PRRX1: variants seen among roughly 807,000 people sequenced by gnomAD.
PRRX1 encodes the protein paired related homeobox 1.
A neutral mutation model predicts 24.0 loss-of-function variants in PRRX1; 8 were observed. That is an observed-to-expected ratio of 0.33 (90% CI 0.20 to 0.60). The LOEUF is 0.60. Ranked by LOEUF, PRRX1 falls within the 20% of genes least tolerant of loss-of-function variation. The pLI is 0.82. For synonymous variants in PRRX1, 160 were observed against 131.7 expected, an observed-to-expected ratio of 1.22 and a Z score of -1.47; for missense variants, 281 against 322.4, an observed-to-expected ratio of 0.87 and a Z score of 0.98.
chr1:170,674,411 T>A (rs1653241119), intron 1 of PRRX1, among the ~76,000 whole-genome samples: 8 of 152,214 alleles, frequency 5.3e-5, no homozygotes, highest in Admixed American at 5.2e-4. Context: ...TTTTTGCAAA[T>A]CTTCCCATGC....
At chr1:170,667,298 G>A (rs867459885) in intron 1 of PRRX1, 12 of 117,180 alleles carry the variant, frequency 1.0e-4, no homozygotes, top group Admixed American at 5.5e-4. Flanking sequence ...AAACACACAC[G>A]CGCGCGCGCG....
rs373448980 is a variant in PRRX1 at position 170,664,322 on chromosome 1, C to G, written c.104C>G (p.Ser35Cys). The change falls in exon 1 of 4, where the codon TCC (serine) becomes TGC (cysteine). Residue 35 changes from serine to cysteine, a missense_variant. Physicochemically the swap from Ser to Cys is moderately radical, Grantham distance 112 (BLOSUM62 -1). Transcript: ENST00000239461. ...ACCCTGCAGGCGAAAAAGAACTTCT[C>G]CGTCAGTCACCTGCTAGACCTGGAG... Reference protein sequence around the residue: ...LDTLQAKKNFSVSHLLDLEEA... With the variant: ...LDTLQAKKNFCVSHLLDLEEA... The G allele has an allele frequency of 4.0e-5, 65 of 1,613,840 alleles. No homozygotes were observed. The highest frequency in any genetic ancestry group is 1.0e-4 in the Admixed American group (6 of 59,982).
At chr1:170,718,442 G>C (rs150369794) in intron 1 of PRRX1, among the ~76,000 whole-genome samples, 11 of 152,270 alleles carry the variant, frequency 7.2e-5, no homozygotes, top group Non-Finnish European at 1.6e-4. Context: ...ATCATGACTT[G>C]TGCTAATAGT....
chr1:170,665,692 G>A (rs559799076), intron 1 of PRRX1, among the ~76,000 whole-genome samples: 111 of 152,218 alleles, frequency 7.3e-4, no homozygotes, highest in Non-Finnish European at 1.3e-3. Flanking sequence ...AACAGGGTCC[G>A]GGCACAGTGG....
At chr1:170,705,999 C>A (rs1253421610) in intron 1 of PRRX1, among the ~76,000 whole-genome samples, 1 of 151,724 alleles carries the variant, frequency 6.6e-6, no homozygotes, top group Non-Finnish European at 1.5e-5. Flanking sequence ...GCCCCCCACC[C>A]TTAAATGTTA....
chr1:170,712,331 G>T (rs1182548970), intron 1 of PRRX1, among the ~76,000 whole-genome samples: 3 of 152,070 alleles, frequency 2.0e-5, no homozygotes, highest in Non-Finnish European at 2.9e-5. Flanking sequence ...GTGCAATTTT[G>T]AGTCTACCCT....
intron 1 of PRRX1, among the ~76,000 whole-genome samples, chr1:170,676,876 TGG>T (rs1653338043): frequency 6.6e-6 from 1 of 152,200 alleles, no homozygotes; most frequent in Non-Finnish European, 1.5e-5. Flanking sequence ...TAAATTCCTC[TGG>T]TTCATGTTCT....
intron 1 of PRRX1, among the ~76,000 whole-genome samples, chr1:170,680,920 C>A (rs1653483743): frequency 6.6e-6 from 1 of 152,150 alleles, no homozygotes; most frequent in African/African-American, 2.4e-5. Context: ...GGTTCTATTC[C>A]TGTTAACCCA....
chr1:170,696,404 C>T (rs1395895043), intron 1 of PRRX1, among the ~76,000 whole-genome samples: 2 of 152,092 alleles, frequency 1.3e-5, no homozygotes, highest in Non-Finnish European at 1.5e-5. Context: ...CCACAGTATT[C>T]CAATAGTTAT....
intron 1 of PRRX1, among the ~76,000 whole-genome samples, chr1:170,713,941 G>C (rs1231291309): frequency 6.6e-6 from 1 of 152,120 alleles, no homozygotes; most frequent in Non-Finnish European, 1.5e-5. Flanking sequence ...AGATTTGTTC[G>C]CTCTTGATAC....
At chr1:170,668,172 G>C (rs1653016005) in intron 1 of PRRX1, 1 of 152,284 alleles carries the variant, frequency 6.6e-6, no homozygotes, top group African/African-American at 2.4e-5. Flanking sequence ...GTGGCTAATG[G>C]GAGAGTGTGG....
At chr1:170,703,336 C>T (rs1428954387) in intron 1 of PRRX1, among the ~76,000 whole-genome samples, 2 of 151,438 alleles carry the variant, frequency 1.3e-5, no homozygotes, top group Non-Finnish European at 2.9e-5. Context: ...TGATCAGCTC[C>T]CTGAGCCTTG....
intron 1 of PRRX1, among the ~76,000 whole-genome samples, chr1:170,696,148 G>C (rs1365576283): frequency 6.6e-6 from 1 of 152,162 alleles, no homozygotes; most frequent in African/African-American, 2.4e-5. Context: ...GCAAAGGAGA[G>C]AGTGACACAT....
At chr1:170,687,468 GC>G (rs1179858224) in intron 1 of PRRX1, among the ~76,000 whole-genome samples, 1 of 152,156 alleles carries the variant, frequency 6.6e-6, no homozygotes, top group East Asian at 1.9e-4. Context: ...CTTCGACAGA[GC>G]AGCAGGACAC....
At chr1:170,730,509 A>T in intron 3 of PRRX1, 1 of 631,742 alleles carries the variant, frequency 1.6e-6, no homozygotes, top group East Asian at 2.7e-5. Flanking sequence ...AAGCATGTCC[A>T]CTAAATGAAG....
intron 2 of PRRX1, among the ~76,000 whole-genome samples, chr1:170,721,860 C>T (rs1007730930): frequency 5.9e-5 from 9 of 152,070 alleles, no homozygotes; most frequent in Non-Finnish European, 1.2e-4. Context: ...CCTCAGCTTG[C>T]GGTGGTGTAA....
At chr1:170,688,775 T>G (rs1167281063) in intron 1 of PRRX1, among the ~76,000 whole-genome samples, 2 of 152,174 alleles carry the variant, frequency 1.3e-5, no homozygotes, top group Non-Finnish European at 2.9e-5. Flanking sequence ...GTCTTTGTTC[T>G]GGGAACTGTT....
intron 1 of PRRX1, among the ~76,000 whole-genome samples, chr1:170,714,840 G>A (rs1182489569): frequency 6.6e-6 from 1 of 152,122 alleles, no homozygotes; most frequent in African/African-American, 2.4e-5. Context: ...CGAGGTCAGG[G>A]CTATTGTTCT....
At chr1:170,717,462 G>A (rs1337436950) in intron 1 of PRRX1, among the ~76,000 whole-genome samples, 3 of 152,212 alleles carry the variant, frequency 2.0e-5, no homozygotes, top group African/African-American at 4.8e-5. Flanking sequence ...ATAATTTGTG[G>A]TTGCACCTAA....
Sources: gnomAD v4.1 joint callset for allele counts (sites outside exome capture counted in the v4.1 genomes callset) on GRCh38, gnomAD v4.1.1 for gene constraint, MANE v1.5 for transcripts, NCBI Gene and HGNC (gene_info 2026-07-23, HGNC 2026-07-21) for gene names.